Variants in DDX60 observed in about 807,000 individuals in gnomAD.
DDX60 encodes DExD/H-box helicase 60, also known as probable ATP-dependent RNA helicase DDX60.
Under a neutral mutation model 212.8 loss-of-function variants are expected in DDX60, and 165 were observed. The ratio of observed to expected loss-of-function variants is 0.78; its 90% confidence interval spans 0.68 to 0.88. The LOEUF is 0.88. DDX60 is among the 40% of genes least tolerant of loss of function. DDX60 has a pLI of 0.00. For synonymous variants in DDX60, 703 were observed against 685.3 expected (o/e 1.03, Z -0.40); for missense variants, 1,905 against 2,003.9 (o/e 0.95, Z 0.94).
chr4:168,255,953 G>A lies in DDX60; in HGVS notation c.3399-84C>T, dbSNP rs1389819335. 37 of 1,376,100 alleles carry A rather than the reference G, an allele frequency of 2.7e-5. No homozygotes were observed. The South Asian group carries it at 3.2e-4, about 12-fold the overall frequency. 85.2% of individuals were successfully genotyped at this position (1,376,100 alleles called of 1,614,324 possible). On this transcript the variant is annotated intron_variant, in intron 25 of 37. Coordinates refer to ENST00000393743, the MANE Select transcript of DDX60 (RefSeq NM_017631.6). ...TATTTCCATCTACTACTATCATCCC[G>A]ACATCTGCCTGTTGGGTTTTTAATA...
chr4:168,263,454 T>C (rs948326975), intron 22 of DDX60: 1 of 152,222 alleles, frequency 6.6e-6, no homozygotes, highest in Non-Finnish European at 1.5e-5. Flanking sequence ...ATCATTTGCA[T>C]GTAGAAACAT....
In DDX60 at chr4:168,236,365, G is replaced by A; in HGVS notation, c.4420C>T (p.His1474Tyr). Residue 1474 changes from histidine to tyrosine, a missense_variant, in exon 33 of 38, where the codon CAT becomes TAT. Coordinates refer to ENST00000393743, the MANE Select transcript of DDX60 (RefSeq NM_017631.6). The part of the protein sequence containing the change: ...LCQPTRKGSK[H>Y]FSQDVMEKLV... ...TTTTCCATAACGTCTTGAGAAAAAT[G>A]TTTTGAGCCTATATAAAACAAAGTG... The A allele has an allele frequency of 6.2e-7, 1 of 1,602,796 alleles. No individual in the cohort carries two copies. The highest frequency in any genetic ancestry group is 1.1e-5 in the South Asian group (1 of 89,134).
At chr4:168,238,377 A>G (rs1733707816) in intron 30 of DDX60, among the ~76,000 whole-genome samples, 1 of 138,044 alleles carries the variant, frequency 7.2e-6, no homozygotes, top group Non-Finnish European at 1.6e-5. Context: ...GGAAGGAAAA[A>G]AATAAGGAAG....
Position 168,246,413 on chromosome 4 carries a change from G to A in DDX60, c.4164+5C>T, listed in dbSNP as rs560121627. On this transcript the variant is annotated splice_donor_5th_base_variant and intron_variant, in intron 30 of 37. Coordinates refer to ENST00000393743, the MANE Select transcript of DDX60 (RefSeq NM_017631.6). ...CTGAACCTCAGGCAGTGTCCAGCAC[G>A]GTACCTTTGCCTTGGCATCCTCTGG... The A allele has an allele frequency of 4.7e-5, 76 of 1,613,702 alleles. 2 individuals carry two copies. The South Asian group carries it at 5.1e-4, about 11-fold the overall frequency.
At chr4:168,232,813 G>A (rs947629448) in intron 33 of DDX60, among the ~76,000 whole-genome samples, 13 of 151,974 alleles carry the variant, frequency 8.6e-5, no homozygotes, top group African/African-American at 2.7e-4. Context: ...AAGGCTTCAC[G>A]ACCAAGAACC....
chr4:168,228,948 G>T (rs1733352720), intron 33 of DDX60, among the ~76,000 whole-genome samples: 1 of 151,916 alleles, frequency 6.6e-6, no homozygotes, highest in Non-Finnish European at 1.5e-5. Context: ...TTTTAATTGA[G>T]CACATTAAAA....
intron 3 of DDX60, among the ~76,000 whole-genome samples, chr4:168,309,246 C>G (rs1344893505): frequency 6.6e-6 from 1 of 152,044 alleles, no homozygotes; most frequent in African/African-American, 2.4e-5. Context: ...ATCATAAACC[C>G]TAAATAAAAC....
At chr4:168,274,149 A>G (rs879102568) in intron 16 of DDX60, 66 bp from the exon 17 acceptor site, 1 of 1,583,204 alleles carries the variant, frequency 6.3e-7, no homozygotes. Context: ...CAAAGACAGT[A>G]TTTATAGACT....
chr4:168,243,844 G>A (rs985940838), intron 30 of DDX60, among the ~76,000 whole-genome samples: 3 of 151,150 alleles, frequency 2.0e-5, no homozygotes, highest in Non-Finnish European at 4.4e-5. Context: ...AGCAAAACAT[G>A]GAATCACTCC....
chr4:168,232,742 G>A (rs1005700730), intron 33 of DDX60, among the ~76,000 whole-genome samples: 9 of 151,962 alleles, frequency 5.9e-5, no homozygotes, highest in Admixed American at 1.3e-4. Flanking sequence ...TCTAAGACCT[G>A]AAAGCATAAA....
At chr4:168,266,139 C>T (rs1734838695) in intron 22 of DDX60, among the ~76,000 whole-genome samples, 1 of 152,164 alleles carries the variant, frequency 6.6e-6, no homozygotes, top group Non-Finnish European at 1.5e-5. Context: ...CTGGCCCCAC[C>T]ATTTACTTAA....
chr4:168,252,063 G>C (rs993091096), intron 27 of DDX60, among the ~76,000 whole-genome samples: 4 of 152,180 alleles, frequency 2.6e-5, no homozygotes, highest in Non-Finnish European at 5.9e-5. Flanking sequence ...GAAATTCTGT[G>C]AATATTACTT....
intron 33 of DDX60, among the ~76,000 whole-genome samples, chr4:168,228,870 A>C (rs1733349704): frequency 6.6e-6 from 1 of 152,158 alleles, no homozygotes; most frequent in Non-Finnish European, 1.5e-5. Flanking sequence ...CACATCTGAA[A>C]ACATCTTAAT....
chr4:168,278,350 G>T (rs1735441368), intron 14 of DDX60, among the ~76,000 whole-genome samples: 1 of 152,152 alleles, frequency 6.6e-6, no homozygotes, highest in South Asian at 2.1e-4. Context: ...TAAGATAGAA[G>T]GTGGAAGACA....
Position 168,297,289 on chromosome 4 carries a change from G to A in DDX60, c.724-3344C>T, listed in dbSNP as rs1343812887. Among the ~76,000 whole-genome samples, 27 of 123,436 alleles carry A rather than the reference G, an allele frequency of 2.2e-4. 1 individual carries two copies. Among genetic ancestry groups the A allele is most frequent in the African/African-American group, 9.8e-4 (27 of 27,422 alleles). 81.0% of individuals were successfully genotyped at this position (123,436 alleles called of 152,430 possible). A position where few individuals can be genotyped will look rare whatever the true frequency, so the allele number is the denominator to read the frequency against. On this transcript the variant is annotated intron_variant, in intron 6 of 37. Transcript: ENST00000393743. ...AAAGAAAAAGAAAGAAAGAAAGAGA[G>A]AGAGAGACGAAAGAAAGAAAGAAAG...
At chr4:168,289,890 C>A (rs1736012878) in intron 8 of DDX60, among the ~76,000 whole-genome samples, 2 of 152,180 alleles carry the variant, frequency 1.3e-5, no homozygotes, top group African/African-American at 2.4e-5. Flanking sequence ...GCACCATCAA[C>A]ACTTACATGA....
Position 168,252,619 on chromosome 4 carries a change from G to A in DDX60, c.3595C>T (p.Gln1199Ter), listed in dbSNP as rs778356355. The change falls in exon 27 of 38, where the codon CAA becomes TAA. Residue 1199 changes from glutamine to a stop codon, truncating the protein, a stop_gained. Coordinates refer to ENST00000393743, the MANE Select transcript of DDX60 (RefSeq NM_017631.6). LOFTEE classifies it high-confidence loss of function. ...KSQKKTRNVDQSLIHEAEHDN... is the reference protein window; with the variant it reads ...KSQKKTRNVD ...TGTTCAGCTTCATGTATTAGGCTTT[G>A]ATCCACATTTCTGGTTTTTTTCTGG... is the stretch of plus-strand genomic sequence containing the variant. The A allele has an allele frequency of 6.2e-7, 1 of 1,611,668 alleles. No homozygotes were observed. The highest frequency in any genetic ancestry group is 1.3e-5 in the African/African-American group (1 of 74,832).
chr4:168,323,169 A>G (rs1169659197), upstream of DDX60, among the ~76,000 whole-genome samples: 1 of 152,202 alleles, frequency 6.6e-6, no homozygotes, highest in South Asian at 2.1e-4. Flanking sequence ...CTATCCACTT[A>G]AAATTTGATG....
At chr4:168,291,324 CG>C (rs1560864004) in intron 8 of DDX60, among the ~76,000 whole-genome samples, 1 of 151,980 alleles carries the variant, frequency 6.6e-6, no homozygotes, top group Non-Finnish European at 1.5e-5. Context: ...GGTAGACCTC[CG>C]GGGAAGTTTT....
Sources: allele counts gnomAD v4.1 joint callset (sites outside exome capture counted in the v4.1 genomes callset), GRCh38; gene constraint gnomAD v4.1.1; transcripts MANE v1.5; gene names NCBI Gene and HGNC (gene_info 2026-07-23, HGNC 2026-07-21).